RPRD2: variants seen among roughly 807,000 people sequenced by gnomAD.
The protein encoded by RPRD2 is regulation of nuclear pre-mRNA domain containing 2, also known as regulation of nuclear pre-mRNA domain-containing protein 2.
In RPRD2, 12 loss-of-function variants were observed where a neutral mutation model predicts 104.4. The ratio of observed to expected loss-of-function variants is 0.11; its 90% CI spans 0.07 to 0.19. RPRD2 has a LOEUF of 0.19. Among genes scored for constraint, RPRD2 ranks in the 10% least tolerant of loss-of-function variants. The pLI is 1.00. For missense variants in RPRD2, 1,543 were observed against 1,790.1 expected (o/e 0.86, Z 2.49); for synonymous variants, 714 against 684.9 (o/e 1.04, Z -0.66).
Position 150,472,538 on chromosome 1 carries a change from C to T in RPRD2, c.3590C>T (p.Ser1197Phe), listed in dbSNP as rs1213960455. ...ACATTTGAGCATCATCTTCCCCCAT[C>T]CCCCTTGGAACATGGGACACCCTTC... is the stretch of plus-strand genomic sequence containing the variant. ...NSTFEHHLPP[S>F]PLEHGTPFQR... The change falls in exon 11 of 11, where the codon TCC becomes TTC. Residue 1197 changes from serine to phenylalanine, a missense_variant. Physicochemically the swap from Ser to Phe is radical, Grantham distance 155. This residue lies in a region of RPRD2 where 880 missense variants were observed against 885.6 expected (regional missense o/e 0.99). Transcript: ENST00000369068. 6.2e-7 allele frequency: 1 copy of T among 1,613,844 alleles called. No individual in the cohort carries two copies. The highest frequency in any genetic ancestry group is 2.2e-5 in the East Asian group (1 of 44,884).
At chr1:150,390,695 T>C (rs1331437622) in intron 1 of RPRD2, among the ~76,000 whole-genome samples, 9 of 152,142 alleles carry the variant, frequency 5.9e-5, no homozygotes, top group Admixed American at 5.9e-4. Context: ...GATAAGACCA[T>C]TGGCAAAGGG....
chr1:150,456,204 T>C (rs1029006450), intron 7 of RPRD2, among the ~76,000 whole-genome samples: 3 of 152,078 alleles, frequency 2.0e-5, no homozygotes, highest in Non-Finnish European at 4.4e-5. Context: ...TTTTTTCTTG[T>C]CTGTCTCATT....
At chr1:150,396,601 G>C (rs1367523031) in intron 1 of RPRD2, among the ~76,000 whole-genome samples, 2 of 152,148 alleles carry the variant, frequency 1.3e-5, no homozygotes, top group Non-Finnish European at 2.9e-5. Context: ...AGCATCATTT[G>C]TTGAATAGGG....
At chr1:150,442,035 C>T (rs1378967948) in intron 4 of RPRD2, 77 bp downstream of exon 4, 23 of 1,118,922 alleles carry the variant, frequency 2.1e-5, no homozygotes, top group Non-Finnish European at 3.0e-5. Context: ...CATTTGACAT[C>T]GTACCTGGCA....
At chr1:150,373,532 A>ATTTTTTTTT (rs1572342696) in intron 1 of RPRD2, among the ~76,000 whole-genome samples, 8 of 44,936 alleles carry the variant, frequency 1.8e-4, no homozygotes, top group African/African-American at 6.1e-4. Flanking sequence ...ATCAAGAATG[A>ATTTTTTTTT]CTTTTTTTTT....
intron 2 of RPRD2, among the ~76,000 whole-genome samples, chr1:150,440,699 T>C (rs1156247326): frequency 1.3e-5 from 2 of 152,196 alleles, no homozygotes; most frequent in African/African-American, 4.8e-5. Context: ...GCTTCATCTA[T>C]GTCATTTACA....
intron 1 of RPRD2, among the ~76,000 whole-genome samples, chr1:150,395,928 A>T (rs1553884125): frequency 2.0e-5 from 3 of 152,194 alleles, no homozygotes; most frequent in African/African-American, 7.2e-5. Flanking sequence ...ACTGTTTTCC[A>T]TAGTGGTTGT....
intron 8 of RPRD2, among the ~76,000 whole-genome samples, chr1:150,457,916 C>T (rs1667649261): frequency 6.6e-6 from 1 of 152,052 alleles, no homozygotes; most frequent in African/African-American, 2.4e-5. Context: ...ACTAAAAATA[C>T]AAAACTTATC....
At chr1:150,466,584 T>G (rs587600569) in intron 10 of RPRD2, among the ~76,000 whole-genome samples, 2 of 151,764 alleles carry the variant, frequency 1.3e-5, no homozygotes, top group African/African-American at 4.8e-5. Flanking sequence ...TGAATATATC[T>G]TTTTTTGTCC....
At chr1:150,436,636 C>T (rs1339760912) in intron 2 of RPRD2, among the ~76,000 whole-genome samples, 1 of 151,040 alleles carries the variant, frequency 6.6e-6, no homozygotes, top group African/African-American at 2.4e-5. Context: ...GGCATGGTGG[C>T]TCACACCTGT....
chr1:150,433,439 A>ATTTTTT lies in RPRD2; in HGVS notation c.336-7466_336-7461dup, dbSNP rs58544799. On this transcript the variant is annotated intron_variant, in intron 2 of 10. Transcript: ENST00000369068. The stretch of plus-strand genomic sequence containing the variant: ...ATACACACACACACACACAGACATA[A>ATTTTTT]TTTTTTTTTTTTTTTTTTTTTTTGA... Among the ~76,000 whole-genome samples, 787 of 90,386 alleles carry ATTTTTT rather than the reference A, an allele frequency of 8.7e-3. 35 individuals are homozygous for ATTTTTT. Among genetic ancestry groups the ATTTTTT allele is most frequent in the African/African-American group, 0.02 (446 of 21,760 alleles). The allele number at this position is 90,386 out of a possible 152,430, so 59.3% of individuals were successfully genotyped here. A position where few individuals can be genotyped will look rare whatever the true frequency, so the allele number is the denominator to read the frequency against.
At chr1:150,433,602 G>A (rs1017176627) in intron 2 of RPRD2, among the ~76,000 whole-genome samples, 40 of 148,926 alleles carry the variant, frequency 2.7e-4, no homozygotes, top group Admixed American at 1.1e-3. Flanking sequence ...CCGCCACAAC[G>A]CCCAGCTAAT....
intron 7 of RPRD2, among the ~76,000 whole-genome samples, chr1:150,452,155 AAAAAGAG>A (rs1181466992): frequency 5.4e-5 from 8 of 148,570 alleles, no homozygotes; most frequent in Non-Finnish European, 1.0e-4. Context: ...AAAAAAAAAA[AAAAAGAG>A]AGAGAGAGAA....
At chr1:150,374,779 AT>A (rs1302274316) in intron 1 of RPRD2, among the ~76,000 whole-genome samples, 14 of 152,146 alleles carry the variant, frequency 9.2e-5, no homozygotes, top group Non-Finnish European at 1.9e-4. Context: ...GCATTCTAGT[AT>A]TTTAGATGAC....
At chr1:150,399,302 G>T (rs1662787276) in intron 1 of RPRD2, among the ~76,000 whole-genome samples, 2 of 152,012 alleles carry the variant, frequency 1.3e-5, no homozygotes, top group Admixed American at 1.3e-4. Context: ...TTTATAGTTA[G>T]GTTTTACCTT....
rs56743462 is a variant in RPRD2, at chr1:150,373,533, C to CTTTTTTTTTTTT, written c.205+8624_205+8635dup. Among the ~76,000 whole-genome samples the CTTTTTTTTTTTT allele has an allele frequency of 2.9e-4, 28 of 97,412 alleles. 5 individuals are homozygous for CTTTTTTTTTTTT. The highest frequency in any genetic ancestry group is 8.4e-4 in the African/African-American group (22 of 26,130). The allele number at this position is 97,412 out of a possible 152,430, so 63.9% of individuals were successfully genotyped here. A position where few individuals can be genotyped will look rare whatever the true frequency, so the allele number is the denominator to read the frequency against. The stretch of plus-strand genomic sequence containing the variant: ...AGAGGAGGAGAATAATCAAGAATGA[C>CTTTTTTTTTTTT]TTTTTTTTTTTTTTTTTTTTTAGCT... On this transcript the variant is annotated intron_variant, in intron 1 of 10. Transcript: ENST00000369068.
intron 10 of RPRD2, among the ~76,000 whole-genome samples, chr1:150,466,577 A>G (rs1331970687): frequency 2.6e-5 from 4 of 151,146 alleles, no homozygotes; most frequent in Non-Finnish European, 4.4e-5. Context: ...TGAGACATGA[A>G]TATATCTTTT....
At chr1:150,379,482 A>G (rs1028282402) in intron 1 of RPRD2, among the ~76,000 whole-genome samples, 4 of 151,522 alleles carry the variant, frequency 2.6e-5, no homozygotes, top group Non-Finnish European at 5.9e-5. Context: ...GGCTCACTGC[A>G]GCCTCCGCCT....
In RPRD2 at chr1:150,417,666, T is replaced by C. The variant is rs374088806; in HGVS notation, c.276T>C (p.Asn92=). Residue 92 remains asparagine, a synonymous_variant, in exon 2 of 11, where the codon AAT becomes AAC. Coordinates refer to ENST00000369068, the MANE Select transcript of RPRD2 (RefSeq NM_015203.5). ...NDVIQNCKRK[N]AIIFRESFAD... is the part of the protein sequence containing the mutation. ...TCATACAGAACTGTAAAAGGAAAAATGCAATCATATTCCGTGAATCATTTG... is the reference window on the plus strand; with the variant it reads ...TCATACAGAACTGTAAAAGGAAAAACGCAATCATATTCCGTGAATCATTTG... The C allele has an allele frequency of 1.3e-4, 210 of 1,609,554 alleles. No homozygotes were observed. The highest frequency in any genetic ancestry group is 3.8e-4 in the Admixed American group (23 of 59,776).
Sources: allele counts gnomAD v4.1 joint callset (sites outside exome capture counted in the v4.1 genomes callset), GRCh38; gene constraint gnomAD v4.1.1; regional missense constraint gnomAD v4.1.1; transcripts MANE v1.5; gene names NCBI Gene and HGNC (gene_info 2026-07-23, HGNC 2026-07-21).